TMEM182: variants seen among roughly 807,000 people sequenced by gnomAD.
TMEM182 encodes transmembrane protein 182.
Under a neutral mutation model 26.8 loss-of-function variants are expected in TMEM182, and 20 were observed. The ratio of observed to expected loss-of-function variants is 0.75; its 90% CI spans 0.53 to 1.09. The LOEUF is 1.09. TMEM182 is among the 50% of genes least tolerant of loss of function. TMEM182 has a pLI of 0.00. For missense variants in TMEM182, 277 were observed against 275.5 expected (o/e 1.01, Z -0.04); for synonymous variants, 109 against 102.2 (o/e 1.07, Z -0.40).
intron 3 of TMEM182, among the ~76,000 whole-genome samples, chr2:102,771,346 A>G (rs926689859): frequency 6.6e-6 from 1 of 152,086 alleles, no homozygotes; most frequent in Non-Finnish European, 1.5e-5. Context: ...GCTGACTTTC[A>G]TCTGGGACCC....
intron 3 of TMEM182, among the ~76,000 whole-genome samples, chr2:102,788,157 T>C (rs1681477162): frequency 1.3e-5 from 2 of 152,210 alleles, no homozygotes; most frequent in Admixed American, 1.3e-4. Context: ...GATCCTCCTG[T>C]GTAACAGGGA....
At chr2:102,764,241 C>T (rs1680334667) in intron 2 of TMEM182, 88 bp from the exon 3 acceptor site, 2 of 1,340,820 alleles carry the variant, frequency 1.5e-6, no homozygotes, top group East Asian at 2.3e-5. Context: ...CTTGTGTAAC[C>T]CTTGTGCTCT....
chr2:102,800,635 T>C (rs1326849043), intron 4 of TMEM182, among the ~76,000 whole-genome samples: 1 of 152,132 alleles, frequency 6.6e-6, no homozygotes, highest in East Asian at 1.9e-4. Context: ...CATGTACAAA[T>C]ATTTGTTTCT....
intron 1 of TMEM182, among the ~76,000 whole-genome samples, chr2:102,741,384 G>GA (rs1421204448): frequency 2.0e-5 from 3 of 152,104 alleles, no homozygotes; most frequent in Non-Finnish European, 4.4e-5. Flanking sequence ...GAAGATCTGA[G>GA]AAAAATTCCG....
chr2:102,762,260 G>A lies in TMEM182; in HGVS notation c.43G>A (p.Ala15Thr), dbSNP rs778591876. 21 of 1,613,650 alleles carry A rather than the reference G, an allele frequency of 1.3e-5. No individual in the cohort carries two copies. Among genetic ancestry groups the A allele is most frequent in the Non-Finnish European group, 1.5e-5 (18 of 1,179,852 alleles). Residue 15 changes from alanine (A) to threonine (T), a missense_variant, in exon 1 of 5, where the codon GCT becomes ACT. Physicochemically the swap from Ala to Thr is moderately conservative, Grantham distance 58 (BLOSUM62 0). Coordinates refer to ENST00000412401, the MANE Select transcript of TMEM182 (RefSeq NM_144632.5). The part of the protein sequence containing the change: ...IAIFFGALFG[A>T]LGVLLFLVAF... ...TATCTTCTTTGGAGCTCTCTTTGGT[G>A]CTTTGGGGGTGTTACTCTTTTTGGT...
chr2:102,831,263 ACTGT>A (rs1683143370), intron 3 of TMEM182, among the ~76,000 whole-genome samples: 1 of 152,164 alleles, frequency 6.6e-6, no homozygotes, highest in Admixed American at 6.5e-5. Context: ...GAATCTCCAA[ACTGT>A]TCTCCCTAGT....
intron 1 of TMEM182, among the ~76,000 whole-genome samples, chr2:102,748,804 A>G (rs921270440): frequency 3.9e-5 from 6 of 152,328 alleles, no homozygotes; most frequent in Middle Eastern, 3.4e-3. Flanking sequence ...AGAAAAATTT[A>G]CATAAATTCT....
chr2:102,768,268 T>A (rs1236170978), intron 3 of TMEM182, among the ~76,000 whole-genome samples: 1 of 152,182 alleles, frequency 6.6e-6, no homozygotes, highest in Non-Finnish European at 1.5e-5. Flanking sequence ...GACCAAAAGC[T>A]GAATGCATAT....
chr2:102,813,107 T>A (rs912790766), intron 4 of TMEM182, among the ~76,000 whole-genome samples: 2 of 152,206 alleles, frequency 1.3e-5, no homozygotes, highest in Non-Finnish European at 2.9e-5. Flanking sequence ...GTGTGAAGGA[T>A]GTTTCTTATT....
At chr2:102,775,707 C>T (rs1483892603) in intron 3 of TMEM182, among the ~76,000 whole-genome samples, 1 of 152,146 alleles carries the variant, frequency 6.6e-6, no homozygotes, top group African/African-American at 2.4e-5. Context: ...GATACAAAAT[C>T]AATGTACAAA....
At chr2:102,739,593 C>G (rs900506612) in intron 1 of TMEM182, among the ~76,000 whole-genome samples, 8 of 151,984 alleles carry the variant, frequency 5.3e-5, no homozygotes, top group African/African-American at 1.9e-4. Flanking sequence ...GCAGCACCTC[C>G]CCTTCATTCT....
intron 3 of TMEM182, among the ~76,000 whole-genome samples, chr2:102,787,182 A>C (rs1429911310): frequency 3.3e-5 from 5 of 152,332 alleles, no homozygotes; most frequent in African/African-American, 1.2e-4. Context: ...CAGATGAAGG[A>C]GAAGACGTGC....
intron 3 of TMEM182, among the ~76,000 whole-genome samples, chr2:102,777,794 CT>C (rs1347572514): frequency 3.6e-5 from 5 of 138,768 alleles, no homozygotes; most frequent in African/African-American, 1.1e-4. Context: ...TTTTTTTTGC[CT>C]TATTGCACAG....
intron 3 of TMEM182, among the ~76,000 whole-genome samples, chr2:102,831,619 C>T (rs181725187): frequency 9.3e-4 from 141 of 151,954 alleles, no homozygotes; most frequent in Admixed American, 2.7e-3. Context: ...TAGCTCAGTG[C>T]GGTGGTACAT....
intron 1 of TMEM182, among the ~76,000 whole-genome samples, chr2:102,756,590 T>C (rs1246477898): frequency 6.9e-6 from 1 of 145,136 alleles, no homozygotes; most frequent in Non-Finnish European, 1.5e-5. Flanking sequence ...GTGCCTGTAG[T>C]GTCAGCTACT....
Position 102,816,069 on chromosome 2 carries a change from A to G in TMEM182, c.*1101A>G. On this transcript the variant is annotated 3_prime_UTR_variant, in exon 5 of 5. Coordinates refer to ENST00000412401, the MANE Select transcript of TMEM182 (RefSeq NM_144632.5). ...CGACTATTTCCTTTAACCTCCTAGA[A>G]GAAAGTTTTTGTGGGGAAAGATGAT... is the stretch of plus-strand genomic sequence containing the variant. 2 of 985,378 alleles carry G rather than the reference A, an allele frequency of 2.0e-6. No individual in the cohort carries two copies. Among genetic ancestry groups the G allele is most frequent in the Non-Finnish European group, 2.4e-6 (2 of 829,932 alleles). The allele number at this position is 985,378 out of a possible 1,614,324, so 61.0% of individuals were successfully genotyped here.
Position 102,817,017 on chromosome 2 carries a change from C to T in TMEM182, c.*2049C>T, listed in dbSNP as rs1027872483. ...TGTATGACACTTTTACACAGATTTG[C>T]ACTTTGGAACTATTTTATAGTTGTA... On this transcript the variant is annotated 3_prime_UTR_variant, in exon 5 of 5. Transcript: ENST00000412401. 2.2e-5 allele frequency: 22 copies of T among 985,548 alleles called. No individual in the cohort carries two copies. The highest frequency in any genetic ancestry group is 1.8e-4 in the Admixed American group (3 of 16,254). 61.1% of individuals were successfully genotyped at this position (985,548 alleles called of 1,614,324 possible). A position where few individuals can be genotyped will look rare whatever the true frequency, so the allele number is the denominator to read the frequency against.
intron 4 of TMEM182, among the ~76,000 whole-genome samples, chr2:102,813,575 T>G (rs1218585345): frequency 6.6e-6 from 1 of 152,212 alleles, no homozygotes; most frequent in Non-Finnish European, 1.5e-5. Context: ...AGGCTGTGTG[T>G]GCGGTTTGTG....
At chr2:102,738,312 C>T (rs369028097) in intron 1 of TMEM182, among the ~76,000 whole-genome samples, 39 of 152,236 alleles carry the variant, frequency 2.6e-4, no homozygotes, top group African/African-American at 6.0e-4. Context: ...TTGGAAGTCA[C>T]GGCCAGGCGC....
Sources: allele counts gnomAD v4.1 joint callset (sites outside exome capture counted in the v4.1 genomes callset), GRCh38; gene constraint gnomAD v4.1.1; transcripts MANE v1.5; gene names NCBI Gene and HGNC (gene_info 2026-07-23, HGNC 2026-07-21).